MYH7: variants seen among roughly 807,000 people sequenced by gnomAD.
The protein encoded by MYH7 is myosin-7.
In MYH7, 129 loss-of-function variants were observed where a neutral mutation model predicts 225.4. That is an observed-to-expected ratio of 0.57 (90% CI 0.50 to 0.66). The LOEUF is 0.66. Among genes scored for constraint, MYH7 ranks in the 30% least tolerant of loss-of-function variants. The pLI, the probability that MYH7 is intolerant of heterozygous loss-of-function variation, is 0.00. For synonymous variants in MYH7, 971 were observed against 1,007.6 expected, an observed-to-expected ratio of 0.96 and a Z score of 0.69; for missense variants, 1,649 against 2,517.0, an observed-to-expected ratio of 0.66 and a Z score of 7.38.
At position 23,416,089 on chromosome 14, in the gene MYH7, T is replaced by C. The variant is rs1306407579; in HGVS notation, c.4868A>G (p.Asn1623Ser). ...RVKKKMEGDL[N>S]EMEIQLSHAN... ...GTGGCTGAGCTGGATCTCCATCTCA[T>C]TGAGGTCTCCTTCCATCTTCTTCTT... is the stretch of plus-strand genomic sequence containing the variant. Residue 1623 changes from asparagine (N) to serine (S), a missense_variant, in exon 34 of 40, where the codon AAT (asparagine) becomes AGT (serine). This residue lies in a region of MYH7 where 687 missense variants were observed against 913.8 expected (regional missense o/e 0.75). Transcript: ENST00000355349. 2.0e-5 allele frequency: 32 copies of C among 1,614,076 alleles called. No individual in the cohort carries two copies. The highest frequency in any genetic ancestry group is 4.5e-5 in the East Asian group (2 of 44,894).
At chr14:23,432,300 C>T (rs1892977476) in intron 6 of MYH7, among the ~76,000 whole-genome samples, 179 bp downstream of exon 6, 1 of 151,716 alleles carries the variant, frequency 6.6e-6, no homozygotes, top group Admixed American at 6.6e-5. Context: ...GGATGGAAAG[C>T]AGAAAGGAAG....
At position 23,417,598 on chromosome 14, in the gene MYH7, G is replaced by T. The variant is rs145213771; in HGVS notation, c.4258C>A (p.Arg1420=). Residue 1420 remains arginine, a synonymous_variant, in exon 31 of 40, where the codon CGG becomes AGG. Transcript: ENST00000355349. ...AAGTCCTCGATCTCATTCTGTAGCC[G>T]GTGCTTGGTCTTCTCCAGCGAGGAG... ...KCSSLEKTKH[R]LQNEIEDLMV... The T allele has an allele frequency of 3.1e-6, 5 of 1,612,746 alleles. No homozygotes were observed. The highest frequency in any genetic ancestry group is 4.2e-6 in the Non-Finnish European group (5 of 1,180,044).
At position 23,433,393 on chromosome 14, in the gene MYH7, G is replaced by T; in HGVS notation, c.201+139C>A. ...TTGGGAAGGAGAGGGCTCTTTGGAGGGTCTGGATTCTTCCCCAAAGGGAAG... is the reference window on the plus strand; with the variant it reads ...TTGGGAAGGAGAGGGCTCTTTGGAGTGTCTGGATTCTTCCCCAAAGGGAAG... On this transcript the variant is annotated intron_variant, in intron 3 of 39. Transcript: ENST00000355349. This position sits in a 1 kb window ranked among gnomAD's most constrained non-coding sequence, Gnocchi z 4.1. 7.0e-7 allele frequency: 1 copy of T among 1,424,940 alleles called. No homozygotes were observed. The highest frequency in any genetic ancestry group is 9.8e-7 in the Non-Finnish European group (1 of 1,024,982). The allele number at this position is 1,424,940 out of a possible 1,614,324, so 88.3% of individuals were successfully genotyped here.
At chr14:23,421,836 T>C (rs1160555907) in intron 25 of MYH7, 149 of 955,944 alleles carry the variant, frequency 1.6e-4, no homozygotes, top group Non-Finnish European at 1.8e-4. Context: ...GGGACTTTCC[T>C]AAGAGGCTCT....
rs147219976 is a variant in MYH7, at chr14:23,414,165, C to T, written c.5560-63G>A. ...CAGTCATAGAAGGTAGCATCCCCTC[C>T]GCCCTGCCCTGCTTCATCTGATATC... On this transcript the variant is annotated intron_variant, in intron 37 of 39. Transcript: ENST00000355349. The T allele has an allele frequency of 1.0e-3, 1,434 of 1,437,558 alleles. 6 individuals are homozygous for T. Among genetic ancestry groups the T allele is most frequent in the Middle Eastern group, 9.5e-3 (54 of 5,696 alleles). The allele number at this position is 1,437,558 out of a possible 1,614,324, so 89.1% of individuals were successfully genotyped here.
chr14:23,431,600 G>A lies in MYH7; in HGVS notation c.717C>T (p.Asp239=). The A allele has an allele frequency of 6.2e-7, 1 of 1,614,270 alleles. No individual in the cohort carries two copies. The highest frequency in any genetic ancestry group is 2.2e-5 in the East Asian group (1 of 44,888). ...AFGNAKTVRN[D]NSSRFGKFIR... The stretch of plus-strand genomic sequence containing the variant: ...GACCACTCACGAAGCGGGAGGAGTT[G>A]TCGTTCCGGACGGTCTTGGCATTGC... Residue 239 remains aspartate, a synonymous_variant, in exon 8 of 40, where the codon GAC becomes GAT. Coordinates refer to ENST00000355349, the MANE Select transcript of MYH7 (RefSeq NM_000257.4).
Position 23,415,015 on chromosome 14 carries a change from T to C in MYH7, c.5539A>G (p.Ile1847Val). The change falls in exon 37 of 40, where the codon ATC becomes GTC. Residue 1847 changes from isoleucine to valine, a missense_variant. Ile to Val is a conservative substitution (Grantham distance 29, BLOSUM62 3). Transcript: ENST00000355349. The surrounding 1 kb of genome is among the most constrained non-coding windows in gnomAD (Gnocchi z 6.3). ...CGCACCTGGTAGGTGAGCTCCTTGA[T>C]GCGCCGCTCGCTCTTCCTCATGCCC... ...VKGMRKSERR[I>V]KELTYQTEED... The C allele has an allele frequency of 6.2e-7, 1 of 1,609,218 alleles. No homozygotes were observed. Among genetic ancestry groups the C allele is most frequent in the Non-Finnish European group, 8.5e-7 (1 of 1,179,998 alleles).
chr14:23,429,940 C>G, intron 11 of MYH7, 27 bp from the exon 12 acceptor site: 1 of 1,613,250 alleles, frequency 6.2e-7, no homozygotes, highest in Non-Finnish European at 8.5e-7. Flanking sequence ...TATTGGCGGA[C>G]CCCAGAAAAA....
intron 18 of MYH7, 30 bp from the exon 19 acceptor site, chr14:23,426,111 G>C: frequency 4.3e-6 from 7 of 1,612,520 alleles, no homozygotes; most frequent in Non-Finnish European, 5.9e-6. Flanking sequence ...GGAGGAGTCT[G>C]TGAGAACACT....
At chr14:23,419,319 A>C in intron 28 of MYH7, 24 bp from the exon 29 acceptor site, 3 of 1,613,756 alleles carry the variant, frequency 1.9e-6, no homozygotes, top group Non-Finnish European at 1.7e-6. Flanking sequence ...ATTCTAGATC[A>C]GCACTCCTCT....
intron 25 of MYH7, 76 bp from the exon 26 acceptor site, chr14:23,421,124 T>C: frequency 9.8e-7 from 1 of 1,019,006 alleles, no homozygotes; most frequent in South Asian, 1.3e-5. Context: ...TTGAAAATGG[T>C]AATGATACAG....
intron 29 of MYH7, among the ~76,000 whole-genome samples, chr14:23,418,642 T>C (rs2138649800): frequency 6.6e-6 from 1 of 152,252 alleles, no homozygotes; most frequent in African/African-American, 2.4e-5. Context: ...ACACCAGACA[T>C]GGTCATCATC....
intron 18 of MYH7, among the ~76,000 whole-genome samples, chr14:23,426,502 CT>C (rs1345735201): frequency 6.6e-6 from 1 of 152,172 alleles, no homozygotes; most frequent in Non-Finnish European, 1.5e-5. Context: ...TAAAGTTGAA[CT>C]AAGATTCTGT....
intron 15 of MYH7, among the ~76,000 whole-genome samples, chr14:23,428,219 T>C (rs1039141844): frequency 1.3e-5 from 2 of 152,180 alleles, no homozygotes; most frequent in African/African-American, 4.8e-5. Flanking sequence ...TTCCTGATCC[T>C]TGGATGCATA....
chr14:23,419,576 C>T lies in MYH7; in HGVS notation c.3760G>A (p.Asp1254Asn). 1.2e-6 allele frequency: 2 copies of T among 1,613,794 alleles called. No individual in the cohort carries two copies. Among genetic ancestry groups the T allele is most frequent in the Non-Finnish European group, 1.7e-6 (2 of 1,180,004 alleles). ...TTGCTCCGGTGCTCATTCATCTGGT[C>T]TTCCAAGGTCCGGCACATCTTCTCC... The part of the protein sequence containing the change: ...NLEKMCRTLE[D>N]QMNEHRSKAE... Residue 1254 changes from aspartate (D) to asparagine (N), a missense_variant, in exon 28 of 40, where the codon GAC becomes AAC. Physicochemically the swap from Asp to Asn is conservative, Grantham distance 23 (BLOSUM62 1). Transcript: ENST00000355349.
Position 23,429,702 on chromosome 14 carries a change from AAG to A in MYH7, c.1138+71_1138+72del, listed in dbSNP as rs1334799183. On this transcript the variant is annotated intron_variant, in intron 12 of 39. Coordinates refer to ENST00000355349, the MANE Select transcript of MYH7 (RefSeq NM_000257.4). Reference sequence around the variant, plus strand: ...AAAAAAAAAAAAAAAGAAAAAAGAGAAGAGAGATGACTGCTGAGCAGACATGG... The same window carrying A: ...AAAAAAAAAAAAAAAGAAAAAAGAGAAGAGATGACTGCTGAGCAGACATGG... 2.3e-5 allele frequency: 36 copies of A among 1,572,998 alleles called. No individual in the cohort carries two copies. In the South Asian group the frequency reaches 2.6e-4, roughly 12 times the overall value.
At chr14:23,420,341 C>A in intron 26 of MYH7, 107 bp from the exon 27 acceptor site, 2 of 1,537,060 alleles carry the variant, frequency 1.3e-6, no homozygotes, top group Admixed American at 2.0e-5. Flanking sequence ...CAGTTTAGCT[C>A]TTCCAGTGGA....
Position 23,432,621 on chromosome 14 carries a change from C to A in MYH7, c.502+18G>T, listed in dbSNP as rs912964540. 6.2e-7 allele frequency: 1 copy of A among 1,614,120 alleles called. No individual in the cohort carries two copies. The highest frequency in any genetic ancestry group is 8.5e-7 in the Non-Finnish European group (1 of 1,180,024). ...CTATCCCAGTTCCCTTCAGGAAGAC[C>A]CTTCCAGGGCCTCTCACCTGTCAGC... On this transcript the variant is annotated intron_variant, in intron 5 of 39. Transcript: ENST00000355349.
At position 23,425,303 on chromosome 14, in the gene MYH7, T is replaced by A; in HGVS notation, c.2402A>T (p.Tyr801Phe). 1 of 1,614,184 alleles carries A rather than the reference T, an allele frequency of 6.2e-7. No individual in the cohort carries two copies. The highest frequency in any genetic ancestry group is 8.5e-7 in the Non-Finnish European group (1 of 1,180,030). Residue 801 changes from tyrosine (Y) to phenylalanine (F), a missense_variant, in exon 21 of 40, where the codon TAC becomes TTC. Tyr to Phe is a conservative substitution (Grantham distance 22). Transcript: ENST00000355349. The surrounding 1 kb of genome is among the most constrained non-coding windows in gnomAD (Gnocchi z 4.6). Reference protein sequence around the residue: ...QSRGVLARMEYKKLLERRDSL... With the variant: ...QSRGVLARMEFKKLLERRDSL... ...TCACCTACGTTCCAGCAGCTTTTTGTACTCCATTCTGGCGAGCACACCTCG... is the reference window on the plus strand; with the variant it reads ...TCACCTACGTTCCAGCAGCTTTTTGAACTCCATTCTGGCGAGCACACCTCG...
Sources: gnomAD v4.1 joint callset for allele counts (sites outside exome capture counted in the v4.1 genomes callset) on GRCh38, gnomAD v4.1.1 for gene constraint, gnomAD v4.1.1 regional missense constraint, Gnocchi (gnomAD v3.1) non-coding constraint, MANE v1.5 for transcripts, NCBI Gene and HGNC (gene_info 2026-07-23, HGNC 2026-07-21) for gene names.